The following HINT3 variants were observed in gnomAD, a reference collection of about 807,000 sequenced individuals.
HINT3 encodes histidine triad nucleotide binding protein 3, also known as adenosine 5'-monophosphoramidase HINT3.
Under a neutral mutation model 19.1 loss-of-function variants are expected in HINT3, and 16 were observed. The ratio of observed to expected loss-of-function variants is 0.84; its 90% CI spans 0.57 to 1.27. HINT3 has a LOEUF of 1.27. Ranked by LOEUF, HINT3 falls within the 50% of genes most tolerant of loss-of-function variation. The pLI is 0.00. For missense variants in HINT3, 197 were observed against 225.8 expected, an observed-to-expected ratio of 0.87 and a Z score of 0.82; for synonymous variants, 75 against 84.8, an observed-to-expected ratio of 0.88 and a Z score of 0.63.
In HINT3 at chr6:125,974,863, C is replaced by T. The variant is rs767922040; in HGVS notation, c.406C>T (p.Pro136Ser). Residue 136 changes from proline (P) to serine (S), a missense_variant, in exon 4 of 5, where the codon CCA becomes TCA. By Grantham distance (74) the Pro-to-Ser change is moderately conservative (BLOSUM62 -1). Transcript: ENST00000229633. Reference protein sequence around the residue: ...FTNVRMGFHMPPFCSISHLHL... With the variant: ...FTNVRMGFHMSPFCSISHLHL... ...CTATTTTAGGATGGGTTTTCATATG[C>T]CACCATTCTGTTCCATTTCCCACTT... 1.2e-6 allele frequency: 2 copies of T among 1,613,676 alleles called. No individual in the cohort carries two copies. Among genetic ancestry groups the T allele is most frequent in the Non-Finnish European group, 1.7e-6 (2 of 1,179,752 alleles).
intron 2 of HINT3, among the ~76,000 whole-genome samples, chr6:125,970,168 A>G (rs1031587263): frequency 1.3e-5 from 2 of 152,180 alleles, no homozygotes; most frequent in Admixed American, 1.3e-4. Context: ...AGGCTAGTGA[A>G]TTAACTAACA....
At chr6:125,961,941 G>A (rs1419568309) in intron 1 of HINT3, among the ~76,000 whole-genome samples, 1 of 151,584 alleles carries the variant, frequency 6.6e-6, no homozygotes, top group African/African-American at 2.4e-5. Context: ...TCAGAAATGA[G>A]GGTTTTATGA....
At chr6:125,958,042 G>T (rs7756024) in intron 1 of HINT3, among the ~76,000 whole-genome samples, 11,741 of 152,088 alleles carry the variant, frequency 0.077, 1,439 homozygotes, top group African/African-American at 0.26. Context: ...ACAATGCCTC[G>T]TGCTGTGGTC....
chr6:125,967,240 C>T (rs1442816378), intron 2 of HINT3, among the ~76,000 whole-genome samples: 2 of 151,968 alleles, frequency 1.3e-5, no homozygotes, highest in Admixed American at 6.6e-5. Context: ...AATACATTAA[C>T]CTTTTCCCAC....
Position 125,972,342 on chromosome 6 carries a change from C to G in HINT3, c.389+14C>G. The G allele has an allele frequency of 6.8e-7, 1 of 1,466,368 alleles. No individual in the cohort carries two copies. The highest frequency in any genetic ancestry group is 9.2e-7 in the Non-Finnish European group (1 of 1,086,754). The allele number at this position is 1,466,368 out of a possible 1,614,324, so 90.8% of individuals were successfully genotyped here. A position where few individuals can be genotyped will look rare whatever the true frequency, so the allele number is the denominator to read the frequency against. ...CACGAATGTGAGGTGTGTATACTTC[C>G]AGATGGAAACCAATATTATACATTA... On this transcript the variant is annotated intron_variant, in intron 3 of 4. Transcript: ENST00000229633.
chr6:125,974,823 T>C lies in HINT3; in HGVS notation c.390-24T>C. The C allele has an allele frequency of 3.7e-6, 6 of 1,600,022 alleles. No homozygotes were observed. In the South Asian group the frequency reaches 4.5e-5, roughly 12 times the overall value. On this transcript the variant is annotated intron_variant, in intron 3 of 4. Transcript: ENST00000229633. ...CTTTATTTTAGAACTGGTTTGTCAA[T>C]CATCTCTTTACTTTCTATTTTAGGA...
At chr6:125,969,726 C>T (rs1789072549) in intron 2 of HINT3, among the ~76,000 whole-genome samples, 1 of 152,030 alleles carries the variant, frequency 6.6e-6, no homozygotes, top group Non-Finnish European at 1.5e-5. Flanking sequence ...TGTATTCCTA[C>T]GTATTTTTGT....
intron 1 of HINT3, among the ~76,000 whole-genome samples, 195 bp downstream of exon 1, chr6:125,957,373 C>T (rs1788855873): frequency 6.6e-6 from 1 of 152,172 alleles, no homozygotes; most frequent in Admixed American, 6.5e-5. Context: ...CTGCAGGGTC[C>T]GGGTGCTGAT....
chr6:125,957,514 A>G (rs1788858176), intron 1 of HINT3, among the ~76,000 whole-genome samples: 1 of 152,246 alleles, frequency 6.6e-6, no homozygotes, highest in Non-Finnish European at 1.5e-5. Flanking sequence ...AGTTGGTACA[A>G]ATAACATTTT....
chr6:125,974,801 TA>T (rs757619798), intron 3 of HINT3, 45 bp from the exon 4 acceptor site: 17 of 1,590,098 alleles, frequency 1.1e-5, no homozygotes, highest in Non-Finnish European at 1.5e-5. Context: ...AAAATGACTT[TA>T]TTTTAGAACT....
At chr6:125,970,314 A>G (rs916830317) in intron 2 of HINT3, among the ~76,000 whole-genome samples, 1 of 152,192 alleles carries the variant, frequency 6.6e-6, no homozygotes, top group Non-Finnish European at 1.5e-5. Context: ...ATTAGATCCA[A>G]TTTAGATTTA....
At chr6:125,975,021 C>G in intron 4 of HINT3, 48 bp downstream of exon 4, 1 of 1,584,974 alleles carries the variant, frequency 6.3e-7, no homozygotes, top group Non-Finnish European at 8.6e-7. Flanking sequence ...TTTAAAATAT[C>G]CTTTTCATTG....
intron 2 of HINT3, among the ~76,000 whole-genome samples, chr6:125,969,891 C>G (rs184472381): frequency 1.4e-4 from 22 of 152,248 alleles, no homozygotes; most frequent in African/African-American, 4.8e-4. Flanking sequence ...TTGGTGGAGT[C>G]TTCAGGGTTT....
rs771967946 is a variant in HINT3, at chr6:125,974,936, A to T, written c.479A>T (p.Lys160Met). The T allele has an allele frequency of 1.2e-6, 2 of 1,613,968 alleles. No individual in the cohort carries two copies. Among genetic ancestry groups the T allele is most frequent in the Non-Finnish European group, 8.5e-7 (1 of 1,179,908 alleles). Residue 160 changes from lysine to methionine, a missense_variant, in exon 4 of 5, where the codon AAG (lysine) becomes ATG (methionine). By Grantham distance (95) the Lys-to-Met change is moderately conservative. Transcript: ENST00000229633. ...GTGGATCAGCTTGGCTTCTTATCCA[A>T]GTTGGTTTATAGAGTCAATTCCTAT... is the stretch of plus-strand genomic sequence containing the variant. ...APVDQLGFLS[K>M]LVYRVNSYWF...
chr6:125,960,185 C>T (rs958670195), intron 1 of HINT3, among the ~76,000 whole-genome samples: 16 of 152,262 alleles, frequency 1.1e-4, no homozygotes, highest in African/African-American at 2.4e-4. Context: ...TGTTGTACAG[C>T]GGGTCACGTG....
chr6:125,963,888 G>A (rs569209336), intron 1 of HINT3, among the ~76,000 whole-genome samples: 24 of 152,238 alleles, frequency 1.6e-4, no homozygotes, highest in African/African-American at 4.3e-4. Flanking sequence ...CTGAAAGATC[G>A]TAGAAAATCC....
At chr6:125,958,914 A>G (rs1788878508) in intron 1 of HINT3, among the ~76,000 whole-genome samples, 1 of 152,222 alleles carries the variant, frequency 6.6e-6, no homozygotes, top group Non-Finnish European at 1.5e-5. Context: ...TGATTTAGAT[A>G]TAAGAGGATA....
chr6:125,966,926 G>T lies in HINT3; in HGVS notation c.241G>T (p.Ala81Ser). The change falls in exon 2 of 5, where the codon GCA (alanine) becomes TCA (serine). Residue 81 changes from alanine (A) to serine (S), a missense_variant. By Grantham distance (99) the Ala-to-Ser change is moderately conservative. Coordinates refer to ENST00000229633, the MANE Select transcript of HINT3 (RefSeq NM_138571.5). ...LICFKDIKPA[A>S]THHYLVVPKK... ...TTGCTTCAAAGATATCAAACCAGCA[G>T]CAACTCATCATTATCTTGTGGTGCC... The T allele has an allele frequency of 6.2e-7, 1 of 1,612,802 alleles. No individual in the cohort carries two copies. The highest frequency in any genetic ancestry group is 1.7e-5 in the Admixed American group (1 of 59,914).
In HINT3 at chr6:125,979,009, C is replaced by T. The variant is rs1789212849; in HGVS notation, c.*1333C>T. 1 of 152,120 alleles carries T rather than the reference C, an allele frequency of 6.6e-6. No homozygotes were observed. The allele number at this position is 152,120 out of a possible 1,614,324, so 9.4% of individuals were successfully genotyped here. ...GATTAGAATTTAGTGCGTTAAGTTCCCTGATGCCTTCACAGCCAGAAGAGG... is the reference window on the plus strand; with the variant it reads ...GATTAGAATTTAGTGCGTTAAGTTCTCTGATGCCTTCACAGCCAGAAGAGG... On this transcript the variant is annotated 3_prime_UTR_variant, in exon 5 of 5. Coordinates refer to ENST00000229633, the MANE Select transcript of HINT3 (RefSeq NM_138571.5).
Sources: allele counts gnomAD v4.1 joint callset (sites outside exome capture counted in the v4.1 genomes callset), GRCh38; gene constraint gnomAD v4.1.1; transcripts MANE v1.5; gene names NCBI Gene and HGNC (gene_info 2026-07-23, HGNC 2026-07-21).